Variants in PAMR1 observed in about 807,000 individuals in gnomAD.
PAMR1 encodes peptidase domain containing associated with muscle regeneration 1.
PAMR1 carries 88 observed loss-of-function variants against 81.8 expected under a neutral mutation model. That is an observed-to-expected ratio of 1.08 (90% CI 0.91 to 1.28). The LOEUF is 1.28. PAMR1 is among the 50% of genes most tolerant of loss of function. The pLI is 0.00. For missense variants in PAMR1, 935 were observed against 919.7 expected (o/e 1.02, Z -0.21); for synonymous variants, 336 against 345.3 (o/e 0.97, Z 0.30).
intron 6 of PAMR1, among the ~76,000 whole-genome samples, chr11:35,463,059 G>C (rs540281134): frequency 4.3e-4 from 65 of 152,302 alleles, no homozygotes; most frequent in African/African-American, 1.4e-3. Context: ...GTCCGTGATG[G>C]GAGAGATGTT....
chr11:35,456,815 A>G (rs1856542736), intron 6 of PAMR1, among the ~76,000 whole-genome samples: 1 of 152,122 alleles, frequency 6.6e-6, no homozygotes, highest in Non-Finnish European at 1.5e-5. Context: ...TGCAGTCTCC[A>G]CTCACTCCCA....
intron 4 of PAMR1, among the ~76,000 whole-genome samples, chr11:35,472,840 C>T (rs1850213444): frequency 1.3e-5 from 2 of 152,290 alleles, no homozygotes; most frequent in East Asian, 1.9e-4. Context: ...TGAGGGCAGC[C>T]TGCGATAGAT....
chr11:35,492,133 G>C lies in PAMR1; in HGVS notation c.291C>G (p.Gly97=). The C allele has an allele frequency of 6.2e-7, 1 of 1,614,068 alleles. No individual in the cohort carries two copies. Residue 97 remains glycine (G), a synonymous_variant, in exon 3 of 11, where the codon GGC becomes GGG. Transcript: ENST00000619888. ...AGTCATCCAAGGTACCCCCCCATGAGCCATTTCGGCAGCTCTTGCAGTTTT... is the reference window on the plus strand; with the variant it reads ...AGTCATCCAAGGTACCCCCCCATGACCCATTTCGGCAGCTCTTGCAGTTTT... ...IFENCKSCRN[G]SWGGTLDDFY... is the part of the protein sequence containing the mutation.
At chr11:35,497,359 A>G (rs1287998155) in intron 1 of PAMR1, among the ~76,000 whole-genome samples, 1 of 152,208 alleles carries the variant, frequency 6.6e-6, no homozygotes, top group Non-Finnish European at 1.5e-5. Flanking sequence ...CTTAAATGCA[A>G]TATCTACAAT....
chr11:35,483,028 T>C (rs1850429205), intron 3 of PAMR1, among the ~76,000 whole-genome samples: 1 of 152,228 alleles, frequency 6.6e-6, no homozygotes, highest in African/African-American at 2.4e-5. Flanking sequence ...CTGGTTGTTC[T>C]CTTGAATGTA....
At chr11:35,447,090 C>A (rs548281580) in intron 6 of PAMR1, among the ~76,000 whole-genome samples, 25 of 152,040 alleles carry the variant, frequency 1.6e-4, no homozygotes, top group African/African-American at 5.8e-4. Flanking sequence ...ATATAATGCC[C>A]TTCTTTATCT....
At position 35,432,875 on chromosome 11, in the gene PAMR1, C is replaced by T. The variant is rs1221379359; in HGVS notation, c.1644G>A (p.Leu548=). 1.3e-6 allele frequency: 2 copies of T among 1,581,278 alleles called. No homozygotes were observed. The highest frequency in any genetic ancestry group is 1.7e-6 in the Non-Finnish European group (2 of 1,168,592). Residue 548 remains leucine (L), a synonymous_variant, in exon 11 of 11, where the codon CTG becomes CTA. Transcript: ENST00000619888. ...IQSLQISAII[L]HPNYDPILLD... ...GCAGGATGGGGTCATAGTTGGGATG[C>T]AGAATGATAGCAGAAATCTACAAAT...
At chr11:35,464,295 T>C (rs79657608) in intron 6 of PAMR1, among the ~76,000 whole-genome samples, 1 of 152,234 alleles carries the variant, frequency 6.6e-6, no homozygotes, top group African/African-American at 2.4e-5. Flanking sequence ...TCAGCAATCA[T>C]TTTTTCAAAT....
intron 10 of PAMR1, among the ~76,000 whole-genome samples, chr11:35,433,345 C>T (rs1855952659): frequency 6.6e-6 from 1 of 152,206 alleles, no homozygotes; most frequent in African/African-American, 2.4e-5. Context: ...AGTTTTCAAC[C>T]TCTGGTCCAC....
At position 35,468,126 on chromosome 11, in the gene PAMR1, T is replaced by C. The variant is rs1337853672; in HGVS notation, c.713-18A>G. The C allele has an allele frequency of 6.8e-7, 1 of 1,465,824 alleles. No individual in the cohort carries two copies. 90.8% of individuals were successfully genotyped at this position (1,465,824 alleles called of 1,614,324 possible). On this transcript the variant is annotated intron_variant, in intron 5 of 10. Coordinates refer to ENST00000619888, the MANE Select transcript of PAMR1 (RefSeq NM_001001991.3). The stretch of plus-strand genomic sequence containing the variant: ...GGAGCATGCTGTAAGAGAAAAGGCA[T>C]CCTTCAGTGCCACTATACATTGAGT...
chr11:35,458,758 G>C (rs1217848709), intron 6 of PAMR1, among the ~76,000 whole-genome samples: 2 of 152,160 alleles, frequency 1.3e-5, no homozygotes, highest in African/African-American at 4.8e-5. Context: ...TTTAGAAAAG[G>C]CATTAACTTT....
rs753598381 is a variant in PAMR1 at position 35,470,940 on chromosome 11, C to T, written c.495-122G>A. On this transcript the variant is annotated intron_variant, in intron 4 of 10. Transcript: ENST00000619888. ...GAACAGATGGTGTCACTGGCCTGAT[C>T]GGATAGGAAAATGGTCCTCAGAGGT... is the stretch of plus-strand genomic sequence containing the variant. 1.0e-4 allele frequency: 70 copies of T among 688,874 alleles called. No homozygotes were observed. In the Middle Eastern group the frequency reaches 1.2e-3, roughly 12 times the overall value. 42.7% of individuals were successfully genotyped at this position (688,874 alleles called of 1,614,324 possible). A position where few individuals can be genotyped will look rare whatever the true frequency, so the allele number is the denominator to read the frequency against.
At chr11:35,503,037 T>G (rs1424914195) in intron 1 of PAMR1, among the ~76,000 whole-genome samples, 1 of 152,224 alleles carries the variant, frequency 6.6e-6, no homozygotes, top group African/African-American at 2.4e-5. Context: ...ACGGTCAAGT[T>G]TCATACTTCT....
chr11:35,518,146 G>A (rs1190877531), intron 1 of PAMR1, among the ~76,000 whole-genome samples: 2 of 152,214 alleles, frequency 1.3e-5, no homozygotes, highest in African/African-American at 4.8e-5. Context: ...TGAGAAGCAG[G>A]CAGTTAACCC....
rs71044519 is a variant in PAMR1 at position 35,466,726 on chromosome 11, C to CAAAAAAA, written c.820+1268_820+1274dup. Among the ~76,000 whole-genome samples, 144 of 63,966 alleles carry CAAAAAAA rather than the reference C, an allele frequency of 2.3e-3. 4 individuals are homozygous for CAAAAAAA. The highest frequency in any genetic ancestry group is 8.6e-3 in the African/African-American group (136 of 15,898). 42.0% of individuals were successfully genotyped at this position (63,966 alleles called of 152,430 possible). Reference sequence around the variant, plus strand: ...TGGGCGACAGAGAGAGGCTCTATCTCAAAAAAAAAAAAAAAAAAAAAGGAA... The same window carrying CAAAAAAA: ...TGGGCGACAGAGAGAGGCTCTATCTCAAAAAAAAAAAAAAAAAAAAAAAAAAAAGGAA... On this transcript the variant is annotated intron_variant, in intron 6 of 10. Coordinates refer to ENST00000619888, the MANE Select transcript of PAMR1 (RefSeq NM_001001991.3).
intron 8 of PAMR1, among the ~76,000 whole-genome samples, chr11:35,436,945 G>A (rs1470333726): frequency 6.6e-6 from 1 of 152,104 alleles, no homozygotes; most frequent in Non-Finnish European, 1.5e-5. Flanking sequence ...ATCATAATGG[G>A]GCAATATTAG....
intron 6 of PAMR1, among the ~76,000 whole-genome samples, chr11:35,448,811 T>C (rs1262629806): frequency 6.6e-6 from 1 of 152,204 alleles, no homozygotes; most frequent in Non-Finnish European, 1.5e-5. Flanking sequence ...TGCTGACCTT[T>C]GGATGAGATT....
At chr11:35,458,783 G>T (rs1856588461) in intron 6 of PAMR1, among the ~76,000 whole-genome samples, 1 of 152,184 alleles carries the variant, frequency 6.6e-6, no homozygotes, top group Admixed American at 6.5e-5. Context: ...TCAGGGCATT[G>T]TTCATCCTGG....
intron 6 of PAMR1, among the ~76,000 whole-genome samples, chr11:35,443,361 CT>C (rs1856218713): frequency 2.0e-5 from 3 of 152,158 alleles, no homozygotes. Flanking sequence ...TCTCCCTCCC[CT>C]CACAACCCCC....
Sources: allele counts gnomAD v4.1 joint callset (sites outside exome capture counted in the v4.1 genomes callset), GRCh38; gene constraint gnomAD v4.1.1; transcripts MANE v1.5; gene names NCBI Gene and HGNC (gene_info 2026-07-23, HGNC 2026-07-21).